The following KRABD5 variants were observed in gnomAD, a reference collection of about 807,000 sequenced individuals.
The protein encoded by KRABD5 is KRAB domain-containing protein 5.
At chr16:31,754,002 A>G in the KRABD5 span, 120 of 1,404,682 alleles carry the variant, frequency 8.5e-5, 1 homozygote, top group African/African-American at 1.5e-3. Flanking sequence ...AAAACATGAA[A>G]AAACTCAATT....
chr16:31,736,151 A>C, the KRABD5 span, among the ~76,000 whole-genome samples: 3 of 152,200 alleles, frequency 2.0e-5, no homozygotes, highest in Admixed American at 2.0e-4. Flanking sequence ...TTTATTAAAG[A>C]GATTGTCTTT....
At chr16:31,738,425 C>A in the KRABD5 span, among the ~76,000 whole-genome samples, 1 of 152,132 alleles carries the variant, frequency 6.6e-6, no homozygotes, top group East Asian at 1.9e-4. Flanking sequence ...GCTTCCTAGA[C>A]AGTGAACCCG....
At chr16:31,722,710 G>C in the KRABD5 span, 1 of 1,612,344 alleles carries the variant, frequency 6.2e-7, no homozygotes, top group East Asian at 2.2e-5. Context: ...GCTTTTATAT[G>C]GGGATGTGAT....
At chr16:31,750,560 A>G in the KRABD5 span, among the ~76,000 whole-genome samples, 6 of 151,984 alleles carry the variant, frequency 3.9e-5, no homozygotes, top group South Asian at 2.1e-4. Flanking sequence ...TTCCATTACT[A>G]TGTTGAATAG....
At chr16:31,731,107 T>A in the KRABD5 span, among the ~76,000 whole-genome samples, 1 of 152,234 alleles carries the variant, frequency 6.6e-6, no homozygotes, top group African/African-American at 2.4e-5. Flanking sequence ...TGATTCTTTA[T>A]AATCTGTGTA....
At chr16:31,713,611 T>C in the KRABD5 span, 2,839 of 885,806 alleles carry the variant, frequency 3.2e-3, 65 homozygotes, top group African/African-American at 0.044. Context: ...ACCCCGCGCG[T>C]CCGGTCCCCT....
chr16:31,720,575 G>A, the KRABD5 span, among the ~76,000 whole-genome samples: 1 of 152,162 alleles, frequency 6.6e-6, no homozygotes, highest in African/African-American at 2.4e-5. Flanking sequence ...CACATATTCT[G>A]TTTATTATTA....
chr16:31,746,020 C>T, the KRABD5 span, among the ~76,000 whole-genome samples: 2 of 151,982 alleles, frequency 1.3e-5, no homozygotes, highest in Non-Finnish European at 2.9e-5. Context: ...TGTCTTTGCA[C>T]ATGAGATGGG....
At chr16:31,732,102 G>C in the KRABD5 span, among the ~76,000 whole-genome samples, 1 of 152,314 alleles carries the variant, frequency 6.6e-6, no homozygotes, top group South Asian at 2.1e-4. Flanking sequence ...TCTACAGTCA[G>C]ATATAGCAAT....
the KRABD5 span, among the ~76,000 whole-genome samples, chr16:31,721,151 T>C: frequency 1.6e-4 from 24 of 152,340 alleles, no homozygotes; most frequent in Non-Finnish European, 2.9e-4. Flanking sequence ...TGTCATTGAA[T>C]GTGTTAGTCT....
chr16:31,714,669 A>G, the KRABD5 span, among the ~76,000 whole-genome samples: 8 of 152,200 alleles, frequency 5.3e-5, no homozygotes, highest in African/African-American at 1.9e-4. Context: ...GAGGTCATTG[A>G]AGGCCCAGTT....
the KRABD5 span, among the ~76,000 whole-genome samples, chr16:31,749,937 T>C: frequency 1.3e-5 from 2 of 152,256 alleles, no homozygotes; most frequent in African/African-American, 4.8e-5. Context: ...TTTTGGTGAC[T>C]GTAGGCTTAT....
chr16:31,752,077 T>C, the KRABD5 span, among the ~76,000 whole-genome samples: 2 of 152,238 alleles, frequency 1.3e-5, no homozygotes, highest in Non-Finnish European at 2.9e-5. Context: ...AGAGATCTTC[T>C]TGGTATTGTT....
At chr16:31,754,018 C>A in the KRABD5 span, 2 of 1,256,334 alleles carry the variant, frequency 1.6e-6, no homozygotes, top group Non-Finnish European at 2.3e-6. Context: ...CAATTTATGT[C>A]AGTTGCTTTT....
the KRABD5 span, chr16:31,753,876 T>A: frequency 6.4e-7 from 1 of 1,551,302 alleles, no homozygotes; most frequent in Non-Finnish European, 8.7e-7. Context: ...GAATTTAAAC[T>A]TAAGGAAAGA....
At chr16:31,716,660 G>T in the KRABD5 span, among the ~76,000 whole-genome samples, 1 of 152,116 alleles carries the variant, frequency 6.6e-6, no homozygotes, top group Admixed American at 6.5e-5. Flanking sequence ...GATTACAGGC[G>T]TGAGCCACCA....
At chr16:31,753,064 A>G in the KRABD5 span, among the ~76,000 whole-genome samples, 3 of 152,242 alleles carry the variant, frequency 2.0e-5, no homozygotes, top group East Asian at 1.9e-4. Flanking sequence ...AGAGACAGCT[A>G]CCTATTCCAT....
the KRABD5 span, chr16:31,713,310 C>T: frequency 1.5e-6 from 2 of 1,372,016 alleles, no homozygotes; most frequent in East Asian, 5.1e-5. Flanking sequence ...GCTCCCAGTC[C>T]TTCCATCTGG....
At chr16:31,722,573 G>A in the KRABD5 span, 1 of 1,596,638 alleles carries the variant, frequency 6.3e-7, no homozygotes, top group Admixed American at 1.8e-5. Flanking sequence ...TTTGTCAAGT[G>A]ATGAACTCTG....
Sources: allele counts gnomAD v4.1 joint callset (sites outside exome capture counted in the v4.1 genomes callset), GRCh38; gene constraint gnomAD v4.1.1; transcripts MANE v1.5; gene names NCBI Gene and HGNC (gene_info 2026-07-23, HGNC 2026-07-21).